TANK: variants seen among roughly 807,000 people sequenced by gnomAD.
TANK encodes the protein TRAF family member associated NFKB activator, also known as TRAF family member-associated NF-kappa-B activator.
Under a neutral mutation model 43.6 loss-of-function variants are expected in TANK, and 15 were observed. The observed-to-expected ratio is 0.34, with a 90% CI of 0.23 to 0.53. The LOEUF (loss-of-function observed/expected upper bound fraction) is 0.53. TANK is among the 20% of genes least tolerant of loss of function. The probability of loss-of-function intolerance (pLI) is 0.94; values close to 1 mark genes in which losing one functional copy is unlikely to be tolerated. For missense variants in TANK, 417 were observed against 498.6 expected (o/e 0.84, Z 1.56); for synonymous variants, 162 against 178.2 (o/e 0.91, Z 0.73).
At chr2:161,200,032 T>A (rs1686333226) in intron 2 of TANK, among the ~76,000 whole-genome samples, 1 of 152,254 alleles carries the variant, frequency 6.6e-6, no homozygotes, top group Non-Finnish European at 1.5e-5. Flanking sequence ...AGAGTCATCT[T>A]GGCCAGATGG....
At chr2:161,142,120 A>T (rs1369165214) in intron 1 of TANK, among the ~76,000 whole-genome samples, 2 of 152,156 alleles carry the variant, frequency 1.3e-5, no homozygotes, top group African/African-American at 4.8e-5. Flanking sequence ...GGCTGCATAA[A>T]TGTCTTCTTT....
chr2:161,226,392 TG>T (rs1451623957), intron 6 of TANK, among the ~76,000 whole-genome samples: 1 of 152,134 alleles, frequency 6.6e-6, no homozygotes, highest in Non-Finnish European at 1.5e-5. Context: ...GAAGTTTTGC[TG>T]GGGTCCAAAG....
chr2:161,178,435 A>G (rs1172255354), intron 1 of TANK, among the ~76,000 whole-genome samples: 1 of 151,994 alleles, frequency 6.6e-6, no homozygotes, highest in East Asian at 1.9e-4. Flanking sequence ...ATTTATATGC[A>G]GTGTCAAAAA....
At chr2:161,183,909 A>G (rs1056474837) in intron 2 of TANK, among the ~76,000 whole-genome samples, 15 of 152,126 alleles carry the variant, frequency 9.9e-5, no homozygotes, top group Non-Finnish European at 1.8e-4. Context: ...TAGAATAAAA[A>G]AAGTAGTTAT....
intron 1 of TANK, among the ~76,000 whole-genome samples, chr2:161,145,223 C>CATGTGA (rs1342966053): frequency 7.9e-6 from 1 of 126,480 alleles, no homozygotes; most frequent in African/African-American, 3.1e-5. Context: ...TGTGTCTTTG[C>CATGTGA]ATGTGAGATA....
intron 1 of TANK, chr2:161,161,705 C>G (rs1684446485): frequency 2.7e-6 from 1 of 375,778 alleles, no homozygotes; most frequent in Non-Finnish European, 4.9e-6. Context: ...GTAATGTTGG[C>G]GTGGTACTGC....
At chr2:161,225,963 C>T (rs189298102) in intron 6 of TANK, among the ~76,000 whole-genome samples, 1 of 152,136 alleles carries the variant, frequency 6.6e-6, no homozygotes, top group East Asian at 1.9e-4. Context: ...TTTTCTTCAC[C>T]TTAATTTTTG....
chr2:161,216,749 T>C (rs927970187), intron 4 of TANK, among the ~76,000 whole-genome samples: 1 of 152,178 alleles, frequency 6.6e-6, no homozygotes, highest in African/African-American at 2.4e-5. Context: ...TGGTTATGTG[T>C]GCATAGATAC....
intron 4 of TANK, among the ~76,000 whole-genome samples, chr2:161,222,584 A>G (rs1687403768): frequency 6.6e-6 from 1 of 152,128 alleles, no homozygotes; most frequent in South Asian, 2.1e-4. Context: ...AACACCATAG[A>G]AAAACCTTGT....
chr2:161,181,939 C>G (rs961561528), intron 2 of TANK, among the ~76,000 whole-genome samples: 4 of 152,052 alleles, frequency 2.6e-5, no homozygotes, highest in Admixed American at 2.0e-4. Flanking sequence ...AAATTACTAG[C>G]CTGTGAAACT....
intron 1 of TANK, among the ~76,000 whole-genome samples, chr2:161,176,216 AAAAT>A (rs1437639655): frequency 3.9e-5 from 6 of 152,180 alleles, no homozygotes; most frequent in Admixed American, 2.6e-4. Flanking sequence ...ACAAATGCCA[AAAAT>A]AAATAAATAA....
rs558742210 is a variant in TANK at position 161,182,460 on chromosome 2, A to G, written c.99+2699A>G. Among the ~76,000 whole-genome samples, 587 of 152,258 alleles carry G rather than the reference A, an allele frequency of 3.9e-3. 2 individuals are homozygous for G. The highest frequency in any genetic ancestry group is 6.8e-3 in the Middle Eastern group (2 of 294). On this transcript the variant is annotated intron_variant, in intron 2 of 7. Coordinates refer to ENST00000392749, the MANE Select transcript of TANK (RefSeq NM_001199135.3). ...AGAGTGGCTCACAGAACTCAGGGGA[A>G]CCAATACTTACTTGTACCAGTTTAT...
At chr2:161,192,196 T>C (rs1685947916) in intron 2 of TANK, among the ~76,000 whole-genome samples, 1 of 152,220 alleles carries the variant, frequency 6.6e-6, no homozygotes, top group Non-Finnish European at 1.5e-5. Context: ...CCCTCTGAAC[T>C]GTATACCCAT....
At chr2:161,198,634 T>C (rs1485163135) in intron 2 of TANK, among the ~76,000 whole-genome samples, 2 of 152,376 alleles carry the variant, frequency 1.3e-5, no homozygotes, top group Middle Eastern at 3.4e-3. Context: ...ACAAATACTT[T>C]ATATATTCTG....
At chr2:161,179,224 C>T (rs565090876) in intron 1 of TANK, among the ~76,000 whole-genome samples, 2 of 152,126 alleles carry the variant, frequency 1.3e-5, no homozygotes, top group Non-Finnish European at 2.9e-5. Context: ...CAAGAATTCA[C>T]CTCATAAGTG....
At chr2:161,150,568 T>C (rs998946779) in intron 1 of TANK, among the ~76,000 whole-genome samples, 2 of 151,666 alleles carry the variant, frequency 1.3e-5, no homozygotes, top group Non-Finnish European at 2.9e-5. Context: ...AGTTAGATTA[T>C]TGATTTCAAA....
At chr2:161,212,202 A>G (rs1574044831) in intron 4 of TANK, 3 of 299,188 alleles carry the variant, frequency 1.0e-5, no homozygotes, top group Admixed American at 6.5e-5. Flanking sequence ...CTGGGATTAC[A>G]TGCACACACC....
At chr2:161,223,839 G>A (rs1687472829) in intron 4 of TANK, 76 bp from the exon 5 acceptor site, 4 of 978,434 alleles carry the variant, frequency 4.1e-6, no homozygotes, top group East Asian at 2.5e-5. Flanking sequence ...TTTCCTTTGT[G>A]TTTTCTCTTT....
intron 2 of TANK, among the ~76,000 whole-genome samples, chr2:161,196,427 C>T (rs1279123484): frequency 2.0e-5 from 3 of 152,108 alleles, no homozygotes; most frequent in Non-Finnish European, 2.9e-5. Flanking sequence ...AAGAGAGGGC[C>T]TCAGGTGAGC....
Sources: allele counts gnomAD v4.1 joint callset (sites outside exome capture counted in the v4.1 genomes callset), GRCh38; gene constraint gnomAD v4.1.1; transcripts MANE v1.5; gene names NCBI Gene and HGNC (gene_info 2026-07-23, HGNC 2026-07-21).